The following CDH17 variants were observed in gnomAD, a reference collection of about 807,000 sequenced individuals.
The protein encoded by CDH17 is cadherin 17, also known as cadherin-17.
In CDH17, 67 loss-of-function variants were observed where a neutral mutation model predicts 86.3. The observed-to-expected ratio is 0.78, with a 90% CI of 0.64 to 0.95. CDH17 has a LOEUF of 0.95. CDH17 is among the 40% of genes least tolerant of loss of function. The probability of loss-of-function intolerance (pLI) is 0.00; values close to 1 mark genes in which losing one functional copy is unlikely to be tolerated. For synonymous variants in CDH17, 367 were observed against 366.4 expected, an observed-to-expected ratio of 1.00 and a Z score of -0.02; for missense variants, 993 against 1,017.6, an observed-to-expected ratio of 0.98 and a Z score of 0.33.
At chr8:94,130,604 T>C (rs766738946) in intron 17 of CDH17, 22 bp downstream of exon 17, 1 of 1,509,208 alleles carries the variant, frequency 6.6e-7, no homozygotes, top group Non-Finnish European at 9.2e-7. Context: ...TAAGACTCTT[T>C]GAATTAAGAA....
chr8:94,151,919 C>G lies in CDH17; in HGVS notation c.1745G>C (p.Gly582Ala). ...GGCAGTCACATTGCCCACTTTAGTG[C>G]CTATAGCTACATCCTCACTGACTTT... is the stretch of plus-strand genomic sequence containing the variant. The part of the protein sequence containing the change: ...QAKVSEDVAI[G>A]TKVGNVTAKD... The change falls in exon 13 of 18, where the codon GGC (glycine) becomes GCC (alanine). Residue 582 changes from glycine (G) to alanine (A), a missense_variant. Transcript: ENST00000027335. 1 of 1,614,148 alleles carries G rather than the reference C, an allele frequency of 6.2e-7. No homozygotes were observed. Among genetic ancestry groups the G allele is most frequent in the Non-Finnish European group, 8.5e-7 (1 of 1,180,014 alleles).
At chr8:94,178,288 A>G (rs1017637593) in intron 3 of CDH17, among the ~76,000 whole-genome samples, 1 of 152,158 alleles carries the variant, frequency 6.6e-6, no homozygotes, top group Non-Finnish European at 1.5e-5. Flanking sequence ...CTAAGAAAAC[A>G]TAAAAGCTGT....
intron 3 of CDH17, among the ~76,000 whole-genome samples, chr8:94,185,117 T>C (rs771153521): frequency 3.2e-4 from 48 of 152,312 alleles, no homozygotes; most frequent in Middle Eastern, 6.8e-3. Flanking sequence ...GCTCTGCCAT[T>C]AACTAACTTA....
chr8:94,160,607 G>T (rs1813033687), intron 11 of CDH17, among the ~76,000 whole-genome samples: 1 of 152,140 alleles, frequency 6.6e-6, no homozygotes, highest in Non-Finnish European at 1.5e-5. Context: ...TGAATTGTAG[G>T]CTTGCTTCTT....
chr8:94,136,945 AG>A (rs1292637602), intron 15 of CDH17, among the ~76,000 whole-genome samples: 1 of 152,194 alleles, frequency 6.6e-6, no homozygotes, highest in African/African-American at 2.4e-5. Flanking sequence ...GGGTATCACC[AG>A]TGGAGGCTGC....
At chr8:94,140,544 G>A (rs935873866) in intron 15 of CDH17, among the ~76,000 whole-genome samples, 4 of 151,556 alleles carry the variant, frequency 2.6e-5, no homozygotes, top group African/African-American at 7.3e-5. Context: ...AACAGAACAC[G>A]AACAAAAACA....
At chr8:94,148,918 C>T (rs1812805626) in intron 13 of CDH17, 44 bp from the exon 14 acceptor site, 7 of 1,562,090 alleles carry the variant, frequency 4.5e-6, no homozygotes, top group Non-Finnish European at 3.5e-6. Flanking sequence ...CATTACTTTG[C>T]ATGAAAATGT....
intron 10 of CDH17, among the ~76,000 whole-genome samples, chr8:94,163,890 C>T (rs11786144): frequency 0.39 from 59,648 of 152,078 alleles, 12,796 homozygotes; most frequent in African/African-American, 0.58. Context: ...TCTGCACACA[C>T]CTCGTTTGAC....
chr8:94,149,706 G>A (rs1023897525), intron 13 of CDH17, among the ~76,000 whole-genome samples: 1 of 152,198 alleles, frequency 6.6e-6, no homozygotes, highest in Non-Finnish European at 1.5e-5. Flanking sequence ...AAGCCACAGA[G>A]ATTTGAAGAG....
In CDH17 at chr8:94,146,078, C is replaced by T. The variant is rs762464526; in HGVS notation, c.2017G>A (p.Gly673Ser). Residue 673 changes from glycine (G) to serine (S), a missense_variant, in exon 15 of 18, where the codon GGC (glycine) becomes AGC (serine). Physicochemically the swap from Gly to Ser is moderately conservative, Grantham distance 56 (BLOSUM62 0). Transcript: ENST00000027335. ...NPPRLAKDYT[G>S]LFFCHPLSAP... is the part of the protein sequence containing the mutation. ...CTGAGGGGATGGCAGAAGAACAAGCCCGTGTAGTCCTTGGCTAGCCTGGGA... is the reference window on the plus strand; with the variant it reads ...CTGAGGGGATGGCAGAAGAACAAGCTCGTGTAGTCCTTGGCTAGCCTGGGA... 3 of 1,613,572 alleles carry T rather than the reference C, an allele frequency of 1.9e-6. No homozygotes were observed. The highest frequency in any genetic ancestry group is 2.2e-5 in the East Asian group (1 of 44,840).
intron 4 of CDH17, among the ~76,000 whole-genome samples, chr8:94,176,939 G>A (rs1215579851): frequency 6.6e-6 from 1 of 152,214 alleles, no homozygotes; most frequent in Non-Finnish European, 1.5e-5. Context: ...TGAAGTCCAT[G>A]AAACAAGAGC....
Position 94,146,030 on chromosome 8 carries a change from C to T in CDH17, c.2065G>A (p.Glu689Lys), listed in dbSNP as rs757379385. The stretch of plus-strand genomic sequence containing the variant: ...AAGTGCTGATCATCATCAGTAGCCT[C>T]GAAAATGAGACTTCCAGGTGCACTG... ...PLSAPGSLIF[E>K]ATDDDQHLFR... Residue 689 changes from glutamate (E) to lysine (K), a missense_variant, in exon 15 of 18, where the codon GAG becomes AAG. Glu to Lys is a moderately conservative substitution (Grantham distance 56, BLOSUM62 1). Transcript: ENST00000027335. The T allele has an allele frequency of 1.9e-6, 3 of 1,613,836 alleles. No homozygotes were observed. Among genetic ancestry groups the T allele is most frequent in the South Asian group, 2.2e-5 (2 of 91,034 alleles).
chr8:94,158,085 G>C (rs943711108), intron 12 of CDH17, among the ~76,000 whole-genome samples: 5 of 152,078 alleles, frequency 3.3e-5, no homozygotes, highest in Admixed American at 2.0e-4. Context: ...AGTGCCCAAG[G>C]GACAGAGAGC....
rs186493671 is a variant in CDH17, at chr8:94,193,091, G to A, written c.51+1544C>T. On this transcript the variant is annotated intron_variant, in intron 2 of 17. Coordinates refer to ENST00000027335, the MANE Select transcript of CDH17 (RefSeq NM_004063.4). ...CAGCTGTGCTTGTGGCTTTCACCTGGGTAAGGCACTGCTGCCAGCAGTGGT... is the reference window on the plus strand; with the variant it reads ...CAGCTGTGCTTGTGGCTTTCACCTGAGTAAGGCACTGCTGCCAGCAGTGGT... 1.1e-3 allele frequency among the ~76,000 whole-genome samples: 168 copies of A among 152,156 alleles called. 1 individual carries two copies. Among genetic ancestry groups the A allele is most frequent in the African/African-American group, 3.9e-3 (161 of 41,502 alleles).
At chr8:94,196,577 T>C (rs1047251067) in intron 1 of CDH17, among the ~76,000 whole-genome samples, 4 of 152,140 alleles carry the variant, frequency 2.6e-5, no homozygotes, top group Non-Finnish European at 5.9e-5. Flanking sequence ...GGGTGACTCA[T>C]TGCCTGTAAT....
chr8:94,183,800 T>G (rs1005522866), intron 3 of CDH17, among the ~76,000 whole-genome samples: 1 of 151,452 alleles, frequency 6.6e-6, no homozygotes, highest in African/African-American at 2.4e-5. Context: ...AAATACTTGC[T>G]GCAAATCATA....
intron 15 of CDH17, among the ~76,000 whole-genome samples, chr8:94,135,042 G>A (rs941673548): frequency 2.6e-5 from 4 of 152,066 alleles, no homozygotes; most frequent in Non-Finnish European, 5.9e-5. Flanking sequence ...TGTGATTTCT[G>A]TTCTTTTACA....
intron 13 of CDH17, among the ~76,000 whole-genome samples, chr8:94,151,447 C>T (rs1482392913): frequency 6.6e-6 from 1 of 152,196 alleles, no homozygotes; most frequent in Non-Finnish European, 1.5e-5. Context: ...TGTAAGTTGG[C>T]ATGGTCTGTC....
At chr8:94,194,196 A>G (rs1284777658) in intron 2 of CDH17, among the ~76,000 whole-genome samples, 1 of 152,218 alleles carries the variant, frequency 6.6e-6, no homozygotes, top group African/African-American at 2.4e-5. Context: ...CCTTGATGAG[A>G]AGAAAAGTAT....
Sources: gnomAD v4.1 joint callset for allele counts (sites outside exome capture counted in the v4.1 genomes callset) on GRCh38, gnomAD v4.1.1 for gene constraint, MANE v1.5 for transcripts, NCBI Gene and HGNC (gene_info 2026-07-23, HGNC 2026-07-21) for gene names.